The following SMU1 variants were observed in gnomAD, a reference collection of about 807,000 sequenced individuals.
SMU1 encodes WD40 repeat-containing protein SMU1.
Under a neutral mutation model 62.0 loss-of-function variants are expected in SMU1, and 2 were observed. The observed-to-expected ratio is 0.03, with a 90% CI of 0.01 to 0.10. The LOEUF (loss-of-function observed/expected upper bound fraction) is 0.10, where lower values mean the gene tolerates loss of function less well. Ranked by LOEUF, SMU1 falls within the 10% of genes least tolerant of loss-of-function variation. SMU1 has a pLI of 1.00. For synonymous variants in SMU1, 188 were observed against 212.4 expected (o/e 0.89, Z 1.00); for missense variants, 227 against 622.1 (o/e 0.36, Z 6.76).
chr9:33,048,046 G>T, intron 11 of SMU1, 60 bp downstream of exon 11: 1 of 1,535,880 alleles, frequency 6.5e-7, no homozygotes, highest in Non-Finnish European at 8.9e-7. Flanking sequence ...ATACTTCAGA[G>T]TTCAGAAAGA....
chr9:33,052,343 G>GT (rs1175816647), intron 10 of SMU1, among the ~76,000 whole-genome samples: 1 of 152,040 alleles, frequency 6.6e-6, no homozygotes, highest in African/African-American at 2.4e-5. Flanking sequence ...TCAAAATAAA[G>GT]TATTTTAAAA....
At chr9:33,066,799 T>C (rs1170388517) in intron 4 of SMU1, among the ~76,000 whole-genome samples, 1 of 140,892 alleles carries the variant, frequency 7.1e-6, no homozygotes. Context: ...AGTGAGACTC[T>C]GTCTCAAAAA....
intron 9 of SMU1, among the ~76,000 whole-genome samples, chr9:33,054,380 G>A (rs916045935): frequency 2.0e-5 from 3 of 151,916 alleles, no homozygotes; most frequent in African/African-American, 4.8e-5. Context: ...TCTAGGGTGA[G>A]GCATAGGCAT....
chr9:33,063,252 C>T (rs10971376), intron 4 of SMU1, among the ~76,000 whole-genome samples: 29,434 of 151,970 alleles, frequency 0.19, 3,094 homozygotes, highest in Middle Eastern at 0.29. Context: ...ATCCCAGCTA[C>T]TTGGGAGACT....
rs1182706667 is a variant in SMU1, at chr9:33,042,434, C to T, written c.*4859G>A. On this transcript the variant is annotated 3_prime_UTR_variant, in exon 12 of 12. Transcript: ENST00000397149. Reference sequence around the variant, plus strand: ...ACAAAAATACAAGTTCCAGCACTAACTCTGCTTTCTCTGTGATGCTTCTCC... The same window carrying T: ...ACAAAAATACAAGTTCCAGCACTAATTCTGCTTTCTCTGTGATGCTTCTCC... 2 of 152,538 alleles carry T rather than the reference C, an allele frequency of 1.3e-5. No homozygotes were observed. Among genetic ancestry groups the T allele is most frequent in the Admixed American group, 1.3e-4 (2 of 15,288 alleles). The allele number at this position is 152,538 out of a possible 1,614,324, so 9.4% of individuals were successfully genotyped here.
chr9:33,048,482 A>G (rs1398320104), intron 10 of SMU1, among the ~76,000 whole-genome samples: 1 of 152,240 alleles, frequency 6.6e-6, no homozygotes, highest in Non-Finnish European at 1.5e-5. Flanking sequence ...TTTAGAATTC[A>G]TACATCCCAC....
intron 6 of SMU1, among the ~76,000 whole-genome samples, chr9:33,059,450 G>GT (rs1379848723): frequency 6.6e-6 from 1 of 151,026 alleles, no homozygotes; most frequent in African/African-American, 2.4e-5. Flanking sequence ...AAAAAAATTT[G>GT]TTTTTTGCAC....
At chr9:33,053,399 G>A (rs1839270732) in intron 9 of SMU1, 109 bp from the exon 10 acceptor site, 1 of 1,156,102 alleles carries the variant, frequency 8.6e-7, no homozygotes. Flanking sequence ...AATGATTCAG[G>A]GGAAAAAAGT....
intron 4 of SMU1, among the ~76,000 whole-genome samples, chr9:33,068,248 T>C (rs964806961): frequency 2.6e-5 from 4 of 152,176 alleles, no homozygotes; most frequent in African/African-American, 9.7e-5. Context: ...TGTTCTGGCA[T>C]AGGGATCAAC....
intron 4 of SMU1, among the ~76,000 whole-genome samples, chr9:33,063,140 T>C (rs1402322352): frequency 2.0e-5 from 3 of 152,196 alleles, no homozygotes; most frequent in African/African-American, 7.2e-5. Context: ...GGTGGGCAGA[T>C]CACCTGAGGT....
At chr9:33,064,584 G>A (rs1196984040) in intron 4 of SMU1, among the ~76,000 whole-genome samples, 3 of 152,024 alleles carry the variant, frequency 2.0e-5, no homozygotes, top group Non-Finnish European at 4.4e-5. Flanking sequence ...TAACAGAATT[G>A]GGTTTTTGCA....
rs371834504 is a variant in SMU1, at chr9:33,066,570, G to T, written c.501+2254C>A. On this transcript the variant is annotated intron_variant, in intron 4 of 11. Coordinates refer to ENST00000397149, the MANE Select transcript of SMU1 (RefSeq NM_018225.3). ...CGCCTGTAATCCCAAAACTTTGGGA[G>T]GCCGAGGTGGGCAGATCACGAGGTC... Among the ~76,000 whole-genome samples the T allele has an allele frequency of 1.7e-3, 251 of 149,208 alleles. 2 individuals are homozygous for T. Among genetic ancestry groups the T allele is most frequent in the African/African-American group, 5.5e-3 (227 of 40,954 alleles).
intron 10 of SMU1, 141 bp downstream of exon 10, chr9:33,052,982 A>G (rs1023259899): frequency 1.4e-6 from 1 of 713,288 alleles, no homozygotes; most frequent in Non-Finnish European, 2.4e-6. Context: ...CTATAAATAA[A>G]TCTGAAAAAC....
intron 10 of SMU1, among the ~76,000 whole-genome samples, chr9:33,051,108 G>A (rs1190897735): frequency 1.9e-5 from 2 of 107,776 alleles, no homozygotes; most frequent in African/African-American, 3.2e-5. Context: ...GCGACAGAGC[G>A]AGACTCTGTC....
At chr9:33,053,909 GCTCT>G (rs1197464856) in intron 9 of SMU1, among the ~76,000 whole-genome samples, 2 of 152,218 alleles carry the variant, frequency 1.3e-5, no homozygotes, top group South Asian at 2.1e-4. Context: ...AGCCAATAGA[GCTCT>G]CTCTCTTTAA....
intron 10 of SMU1, among the ~76,000 whole-genome samples, chr9:33,049,372 C>T (rs1665907283): frequency 1.3e-5 from 2 of 152,070 alleles, no homozygotes; most frequent in Admixed American, 6.6e-5. Flanking sequence ...TGCCATAATT[C>T]GACACTTACA....
At chr9:33,061,552 C>T (rs985321495) in intron 5 of SMU1, among the ~76,000 whole-genome samples, 3 of 151,902 alleles carry the variant, frequency 2.0e-5, no homozygotes, top group Admixed American at 6.6e-5. Context: ...ACACTTTTTC[C>T]TAGAAAACTC....
In SMU1 at chr9:33,057,732, A is replaced by T. The variant is rs941738425; in HGVS notation, c.751-18T>A. 6.2e-7 allele frequency: 1 copy of T among 1,613,058 alleles called. No individual in the cohort carries two copies. The highest frequency in any genetic ancestry group is 1.3e-5 in the African/African-American group (1 of 75,028). ...TTAAGATCCTAAAGAAACAATGGTTAGCAGTTATCAAAATAACACAAAGCC... is the reference window on the plus strand; with the variant it reads ...TTAAGATCCTAAAGAAACAATGGTTTGCAGTTATCAAAATAACACAAAGCC... On this transcript the variant is annotated intron_variant, in intron 6 of 11. Coordinates refer to ENST00000397149, the MANE Select transcript of SMU1 (RefSeq NM_018225.3).
chr9:33,067,510 T>C lies in SMU1; in HGVS notation c.501+1314A>G, dbSNP rs528986340. 1.2e-4 allele frequency among the ~76,000 whole-genome samples: 18 copies of C among 150,158 alleles called. No homozygotes were observed. In the South Asian group the frequency reaches 3.6e-3, roughly 30 times the overall value. On this transcript the variant is annotated intron_variant, in intron 4 of 11. Coordinates refer to ENST00000397149, the MANE Select transcript of SMU1 (RefSeq NM_018225.3). Reference sequence around the variant, plus strand: ...AAAGCAGCTTACTTTTTTTTTTTTTTTTTTTGAGATGAAGTCTCGCTCTTG... The same window carrying C: ...AAAGCAGCTTACTTTTTTTTTTTTTCTTTTTGAGATGAAGTCTCGCTCTTG...
Sources: gnomAD v4.1 joint callset for allele counts (sites outside exome capture counted in the v4.1 genomes callset) on GRCh38, gnomAD v4.1.1 for gene constraint, MANE v1.5 for transcripts, NCBI Gene and HGNC (gene_info 2026-07-23, HGNC 2026-07-21) for gene names.